The following GNG12 variants were observed in gnomAD, a reference collection of about 807,000 sequenced individuals.
GNG12 encodes G protein subunit gamma 12.
For synonymous variants in GNG12, 28 were observed against 29.7 expected, an observed-to-expected ratio of 0.94 and a Z score of 0.19; for missense variants, 69 against 83.8, an observed-to-expected ratio of 0.82 and a Z score of 0.69.
intron 1 of GNG12, among the ~76,000 whole-genome samples, chr1:67,818,216 T>A (rs1646964972): frequency 6.6e-6 from 1 of 152,244 alleles, no homozygotes; most frequent in South Asian, 2.1e-4. Context: ...TTCATCCTTA[T>A]GTCCCCAGAG....
At chr1:67,718,779 C>T (rs1431928397) in intron 2 of GNG12, among the ~76,000 whole-genome samples, 1 of 152,172 alleles carries the variant, frequency 6.6e-6, no homozygotes, top group Non-Finnish European at 1.5e-5. Context: ...TTGGTCCTCT[C>T]TGGCTTTCCC....
At chr1:67,735,004 T>C (rs1444120246) in intron 2 of GNG12, among the ~76,000 whole-genome samples, 3 of 151,922 alleles carry the variant, frequency 2.0e-5, no homozygotes. Context: ...CAGGCATGCA[T>C]CACCACGCCT....
At chr1:67,818,413 GTTTTTTTTTTTTTTTTTT>G (rs1163831257) in intron 1 of GNG12, among the ~76,000 whole-genome samples, 1 of 83,882 alleles carries the variant, frequency 1.2e-5, no homozygotes, top group African/African-American at 4.3e-5. Context: ...AAGACCAGGG[GTTTTTTTTTTTTTTTTTT>G]TTTTTTTTTT....
chr1:67,731,176 G>A (rs1646416974), intron 2 of GNG12, among the ~76,000 whole-genome samples: 1 of 151,724 alleles, frequency 6.6e-6, no homozygotes, highest in South Asian at 2.1e-4. Context: ...CATGCTTCTA[G>A]GGCCTGTCAG....
chr1:67,751,195 ACACACAC>A, intron 2 of GNG12, among the ~76,000 whole-genome samples: 1 of 151,472 alleles, frequency 6.6e-6, no homozygotes, highest in African/African-American at 2.4e-5. Flanking sequence ...ACACACACAC[ACACACAC>A]ACACACACAC....
intron 2 of GNG12, among the ~76,000 whole-genome samples, chr1:67,737,901 A>G (rs769039113): frequency 1.3e-5 from 2 of 152,114 alleles, no homozygotes; most frequent in Non-Finnish European, 2.9e-5. Flanking sequence ...GAACCTTTGC[A>G]TTAAATGGCC....
chr1:67,707,791 A>T (rs929775574), intron 2 of GNG12, 79 bp from the exon 3 acceptor site: 1 of 706,990 alleles, frequency 1.4e-6, no homozygotes, highest in Non-Finnish European at 2.3e-6. Flanking sequence ...GTTCTACTTA[A>T]AGGGAAATAG....
At position 67,721,342 on chromosome 1, in the gene GNG12, C is replaced by T. The variant is rs557850615; in HGVS notation, c.-26-13630G>A. Among the ~76,000 whole-genome samples, 81 of 152,266 alleles carry T rather than the reference C, an allele frequency of 5.3e-4. No individual in the cohort carries two copies. The South Asian group carries it at 0.015, about 28-fold the overall frequency. The stretch of plus-strand genomic sequence containing the variant: ...TCCGCTACAGCTATGGTTCTAAACG[C>T]GTGGTCACACCAGCCAGCAGCATGA... On this transcript the variant is annotated intron_variant, in intron 2 of 3. Coordinates refer to ENST00000370982, the MANE Select transcript of GNG12 (RefSeq NM_018841.6).
At chr1:67,790,860 C>A (rs957160915) in intron 1 of GNG12, among the ~76,000 whole-genome samples, 2 of 152,144 alleles carry the variant, frequency 1.3e-5, no homozygotes, top group African/African-American at 2.4e-5. Context: ...GTGATCTACC[C>A]GCCTTGGCCT....
At chr1:67,747,397 G>C (rs1183750251) in intron 2 of GNG12, among the ~76,000 whole-genome samples, 1 of 152,206 alleles carries the variant, frequency 6.6e-6, no homozygotes, top group Non-Finnish European at 1.5e-5. Context: ...TGGGATTACA[G>C]GCGTGAGCCA....
At chr1:67,817,280 C>G (rs1170295036) in intron 1 of GNG12, among the ~76,000 whole-genome samples, 1 of 152,220 alleles carries the variant, frequency 6.6e-6, no homozygotes, top group Non-Finnish European at 1.5e-5. Context: ...CACTGATGGT[C>G]AGGTACTCAT....
intron 2 of GNG12, among the ~76,000 whole-genome samples, chr1:67,711,736 C>T (rs1646296942): frequency 6.6e-6 from 1 of 152,122 alleles, no homozygotes; most frequent in Non-Finnish European, 1.5e-5. Flanking sequence ...CAGAGAATGC[C>T]TCTGCCTACA....
intron 2 of GNG12, among the ~76,000 whole-genome samples, chr1:67,776,014 G>A (rs1043574130): frequency 2.0e-5 from 3 of 152,144 alleles, no homozygotes; most frequent in African/African-American, 7.2e-5. Context: ...GCCTAGGCTG[G>A]TGTAGGGGAT....
At chr1:67,730,719 C>G (rs1646414110) in intron 2 of GNG12, among the ~76,000 whole-genome samples, 1 of 152,094 alleles carries the variant, frequency 6.6e-6, no homozygotes, top group Non-Finnish European at 1.5e-5. Context: ...GATTTGGGTA[C>G]TTTTCTGTAT....
chr1:67,708,544 C>T (rs1358924999), intron 2 of GNG12, among the ~76,000 whole-genome samples: 1 of 152,184 alleles, frequency 6.6e-6, no homozygotes, highest in Non-Finnish European at 1.5e-5. Context: ...GCCCTGCTGC[C>T]CTCTCTCCTT....
intron 1 of GNG12, among the ~76,000 whole-genome samples, chr1:67,820,450 G>A (rs1430967521): frequency 1.3e-5 from 2 of 151,782 alleles, no homozygotes; most frequent in African/African-American, 4.8e-5. Flanking sequence ...CAGGGCCTTT[G>A]TCCACAAAAA....
intron 2 of GNG12, among the ~76,000 whole-genome samples, chr1:67,739,937 A>C (rs1258784123): frequency 6.6e-6 from 1 of 152,260 alleles, no homozygotes; most frequent in African/African-American, 2.4e-5. Context: ...ATTTATCCTA[A>C]GGAAATAATC....
At chr1:67,750,427 A>G (rs1646531970) in intron 2 of GNG12, among the ~76,000 whole-genome samples, 1 of 152,188 alleles carries the variant, frequency 6.6e-6, no homozygotes, top group Non-Finnish European at 1.5e-5. Flanking sequence ...GTTGCTTTGT[A>G]TGCAGGTTTT....
intron 1 of GNG12, among the ~76,000 whole-genome samples, chr1:67,799,266 T>C (rs1024021563): frequency 2.0e-5 from 3 of 152,188 alleles, no homozygotes; most frequent in East Asian, 3.9e-4. Flanking sequence ...TTTTACCAAA[T>C]AGTCTGAGTC....
Sources: allele counts gnomAD v4.1 joint callset (sites outside exome capture counted in the v4.1 genomes callset), GRCh38; gene constraint gnomAD v4.1.1; transcripts MANE v1.5; gene names NCBI Gene and HGNC (gene_info 2026-07-23, HGNC 2026-07-21).